Variants in LRP1B observed in about 807,000 individuals in gnomAD.
LRP1B encodes low-density lipoprotein receptor-related protein 1B.
LRP1B carries 217 observed loss-of-function variants against 556.6 expected under a neutral mutation model. The ratio of observed to expected loss-of-function variants is 0.39; its 90% confidence interval spans 0.35 to 0.44. The LOEUF is 0.44. LRP1B is among the 20% of genes least tolerant of loss of function. LRP1B has a pLI of 1.00. For missense variants in LRP1B, 5,053 were observed against 5,620.8 expected, an observed-to-expected ratio of 0.90 and a Z score of 3.23; for synonymous variants, 2,047 against 1,865.8, an observed-to-expected ratio of 1.10 and a Z score of -2.50.
intron 7 of LRP1B, among the ~76,000 whole-genome samples, chr2:141,103,638 T>A (rs1056183191): frequency 2.0e-5 from 3 of 151,762 alleles, no homozygotes; most frequent in Non-Finnish European, 4.4e-5. Context: ...ATAGACAACA[T>A]TTTTGAATCA....
At chr2:141,083,240 G>A (rs1231815309) in intron 7 of LRP1B, among the ~76,000 whole-genome samples, 1 of 151,964 alleles carries the variant, frequency 6.6e-6, no homozygotes, top group African/African-American at 2.4e-5. Flanking sequence ...TTGTATTACT[G>A]TTGTTTGAGA....
At chr2:141,066,713 T>C (rs1054356273) in intron 7 of LRP1B, among the ~76,000 whole-genome samples, 2 of 151,960 alleles carry the variant, frequency 1.3e-5, no homozygotes, top group Non-Finnish European at 2.9e-5. Flanking sequence ...ACTGACGGAA[T>C]TTAGAAATTT....
In LRP1B at chr2:140,598,876, A is replaced by G. The variant is rs762140692; in HGVS notation, c.6990-41T>C. 21 of 1,343,754 alleles carry G rather than the reference A, an allele frequency of 1.6e-5. 2 individuals are homozygous for G. In the South Asian group the frequency reaches 2.1e-4, roughly 13 times the overall value. The allele number at this position is 1,343,754 out of a possible 1,614,324, so 83.2% of individuals were successfully genotyped here. On this transcript the variant is annotated intron_variant, in intron 42 of 90. Coordinates refer to ENST00000389484, the MANE Select transcript of LRP1B (RefSeq NM_018557.3). ...ATTGTAACTATAAATTAAACTTCTC[A>G]TCAAGAGTAAAAATACTAATAGAAA...
At chr2:140,460,860 T>C (rs1687286844) in intron 60 of LRP1B, among the ~76,000 whole-genome samples, 1 of 152,090 alleles carries the variant, frequency 6.6e-6, no homozygotes, top group African/African-American at 2.4e-5. Context: ...AGGGTTGATA[T>C]ATGGCAAAAA....
intron 66 of LRP1B, among the ~76,000 whole-genome samples, chr2:140,413,033 T>G (rs1685032191): frequency 6.6e-6 from 1 of 152,094 alleles, no homozygotes; most frequent in African/African-American, 2.4e-5. Context: ...CACTCTATAA[T>G]CTACAAAATA....
At chr2:142,089,955 C>T (rs953140848) in intron 1 of LRP1B, among the ~76,000 whole-genome samples, 3 of 152,080 alleles carry the variant, frequency 2.0e-5, no homozygotes, top group Non-Finnish European at 4.4e-5. Flanking sequence ...TTGCATATCA[C>T]ATGAGTAGCT....
intron 60 of LRP1B, among the ~76,000 whole-genome samples, chr2:140,472,238 A>G (rs145504494): frequency 6.6e-6 from 1 of 150,688 alleles, no homozygotes; most frequent in African/African-American, 2.5e-5. Flanking sequence ...ATGAATGAAT[A>G]AATGAATGAT....
intron 1 of LRP1B, among the ~76,000 whole-genome samples, chr2:141,906,574 T>A (rs549500651): frequency 7.3e-4 from 111 of 152,152 alleles, no homozygotes; most frequent in African/African-American, 2.6e-3. Context: ...AATAGAAATC[T>A]ACCTCAGAAG....
intron 54 of LRP1B, among the ~76,000 whole-genome samples, chr2:140,502,546 A>G (rs1689243485): frequency 6.6e-6 from 1 of 152,070 alleles, no homozygotes; most frequent in African/African-American, 2.4e-5. Context: ...AGTTTTTAAT[A>G]TATGTATATT....
intron 31 of LRP1B, among the ~76,000 whole-genome samples, chr2:140,832,407 G>A (rs1691748490): frequency 6.6e-6 from 1 of 152,154 alleles, no homozygotes. Flanking sequence ...TCTCACTGCT[G>A]AGTATATATT....
chr2:141,524,817 G>A (rs1225719986), intron 2 of LRP1B, among the ~76,000 whole-genome samples: 2 of 151,160 alleles, frequency 1.3e-5, no homozygotes, highest in Non-Finnish European at 2.9e-5. Context: ...AAGAGAGACA[G>A]AAAGGCAGAA....
At chr2:140,462,713 A>C (rs1257403046) in intron 60 of LRP1B, among the ~76,000 whole-genome samples, 1 of 152,228 alleles carries the variant, frequency 6.6e-6, no homozygotes, top group Admixed American at 6.5e-5. Flanking sequence ...AAAGAGGCAA[A>C]GCCAGGATAA....
chr2:141,334,095 C>T, intron 3 of LRP1B, among the ~76,000 whole-genome samples: 1 of 152,154 alleles, frequency 6.6e-6, no homozygotes, highest in East Asian at 1.9e-4. Flanking sequence ...ATATTTCTGT[C>T]TATCTGTAGC....
intron 1 of LRP1B, among the ~76,000 whole-genome samples, chr2:141,818,964 G>A (rs537736455): frequency 1.3e-5 from 2 of 151,864 alleles, no homozygotes; most frequent in African/African-American, 4.8e-5. Context: ...TTTCTGGCCA[G>A]GTGCGGTGGC....
chr2:142,000,164 A>G (rs1702613171), intron 1 of LRP1B, among the ~76,000 whole-genome samples: 1 of 152,152 alleles, frequency 6.6e-6, no homozygotes, highest in African/African-American at 2.4e-5. Flanking sequence ...CATATTGTAT[A>G]ATAACGTGGC....
chr2:140,435,790 C>A (rs147535287), intron 66 of LRP1B, among the ~76,000 whole-genome samples: 1 of 152,052 alleles, frequency 6.6e-6, no homozygotes. Flanking sequence ...ATGTTCATTC[C>A]ACTTAGACTA....
At chr2:140,967,094 C>T (rs1696250358) in intron 18 of LRP1B, among the ~76,000 whole-genome samples, 1 of 152,104 alleles carries the variant, frequency 6.6e-6, no homozygotes, top group South Asian at 2.1e-4. Context: ...TCATTGGTAG[C>T]TTGATGGGGA....
intron 20 of LRP1B, among the ~76,000 whole-genome samples, chr2:140,935,063 T>C (rs994679166): frequency 6.6e-6 from 1 of 152,156 alleles, no homozygotes; most frequent in Admixed American, 6.6e-5. Flanking sequence ...TTTCCAGAGT[T>C]ATCACATTAT....
chr2:141,167,761 TAAAATC>T (rs1680331949), intron 7 of LRP1B, among the ~76,000 whole-genome samples: 1 of 152,016 alleles, frequency 6.6e-6, no homozygotes, highest in African/African-American at 2.4e-5. Flanking sequence ...TAATAGTACT[TAAAATC>T]ATAATCATTT....
Sources: gnomAD v4.1 joint callset for allele counts (sites outside exome capture counted in the v4.1 genomes callset) on GRCh38, gnomAD v4.1.1 for gene constraint, MANE v1.5 for transcripts, NCBI Gene and HGNC (gene_info 2026-07-23, HGNC 2026-07-21) for gene names.